PRKAA2: variants seen among roughly 807,000 people sequenced by gnomAD.
PRKAA2 encodes the protein protein kinase AMP-activated catalytic subunit alpha 2, also known as 5'-AMP-activated protein kinase catalytic subunit alpha-2.
PRKAA2 carries 40 observed loss-of-function variants against 56.3 expected under a neutral mutation model. The observed-to-expected ratio is 0.71, with a 90% CI of 0.55 to 0.92. The LOEUF is 0.92. Ranked by LOEUF, PRKAA2 falls within the 40% of genes least tolerant of loss-of-function variation. PRKAA2 has a pLI of 0.00. For missense variants in PRKAA2, 542 were observed against 686.9 expected (o/e 0.79, Z 2.36); for synonymous variants, 214 against 234.2 (o/e 0.91, Z 0.79).
chr1:56,698,423 C>A (rs1258138676), intron 6 of PRKAA2, among the ~76,000 whole-genome samples: 1 of 152,124 alleles, frequency 6.6e-6, no homozygotes, highest in Non-Finnish European at 1.5e-5. Context: ...TATCTGTTTG[C>A]CCCTATTAAA....
At position 56,674,479 on chromosome 1, in the gene PRKAA2, A is replaced by G; in HGVS notation, c.193A>G (p.Ile65Val). 1 of 1,568,814 alleles carries G rather than the reference A, an allele frequency of 6.4e-7. No individual in the cohort carries two copies. Among genetic ancestry groups the G allele is most frequent in the East Asian group, 2.3e-5 (1 of 42,614 alleles). ...TGTTGTTGGAAAAATAAAACGAGAA[A>G]TTCAAAATCTAAAACTCTTTCGTCA... Reference protein sequence around the residue: ...LDVVGKIKREIQNLKLFRHPH... With the variant: ...LDVVGKIKREVQNLKLFRHPH... The change falls in exon 2 of 9, where the codon ATT becomes GTT. Residue 65 changes from isoleucine to valine, a missense_variant. Transcript: ENST00000371244.
intron 1 of PRKAA2, among the ~76,000 whole-genome samples, chr1:56,663,067 C>CTGTTTTTTGTTTGTTTGT (rs549702300): frequency 2.0e-5 from 3 of 152,066 alleles, no homozygotes; most frequent in Admixed American, 2.0e-4. Flanking sequence ...GAACTCTGCT[C>CTGTTTTTTGTTTGTTTGT]TGTTTTTTGT....
intron 7 of PRKAA2, among the ~76,000 whole-genome samples, chr1:56,705,692 G>GCCT (rs1419779758): frequency 6.6e-6 from 1 of 152,160 alleles, no homozygotes; most frequent in African/African-American, 2.4e-5. Context: ...GAGCCACTGT[G>GCCT]CCTGGTCCTC....
Position 56,674,389 on chromosome 1 carries a change from C to T in PRKAA2, c.103C>T (p.His35Tyr). The change falls in exon 2 of 9, where the codon CAT (histidine) becomes TAT (tyrosine). Residue 35 changes from histidine (H) to tyrosine (Y), a missense_variant. Physicochemically the swap from His to Tyr is moderately conservative, Grantham distance 83 (BLOSUM62 2). This residue lies in a region of PRKAA2 where 59 missense variants were observed against 53.9 expected (regional missense o/e 1.09). Coordinates refer to ENST00000371244, the MANE Select transcript of PRKAA2 (RefSeq NM_006252.4). ...CTTTTTCTTTTCTTTAGTTGGAGAA[C>T]ATCAATTAACAGGCCATAAAGTGGC... ...GTFGKVKIGE[H>Y]QLTGHKVAVK... 6.5e-7 allele frequency: 1 copy of T among 1,546,304 alleles called. No homozygotes were observed. Among genetic ancestry groups the T allele is most frequent in the South Asian group, 1.3e-5 (1 of 79,814 alleles).
In PRKAA2 at chr1:56,713,880, T is replaced by C. The variant is rs1212914246; in HGVS notation, c.*6167T>C. 6.7e-6 allele frequency: 1 copy of C among 150,154 alleles called. No individual in the cohort carries two copies. The highest frequency in any genetic ancestry group is 2.4e-5 in the African/African-American group (1 of 40,856). 9.3% of individuals were successfully genotyped at this position (150,154 alleles called of 1,614,324 possible). A position where few individuals can be genotyped will look rare whatever the true frequency, so the allele number is the denominator to read the frequency against. ...AAAAAAAAAAAAAAACACTAAATTG[T>C]GCCTTCTCCCTTAAATTATAAGAAG... On this transcript the variant is annotated 3_prime_UTR_variant, in exon 9 of 9. Coordinates refer to ENST00000371244, the MANE Select transcript of PRKAA2 (RefSeq NM_006252.4).
intron 1 of PRKAA2, among the ~76,000 whole-genome samples, chr1:56,652,391 G>C (rs1643908686): frequency 6.6e-6 from 1 of 152,204 alleles, no homozygotes; most frequent in Non-Finnish European, 1.5e-5. Context: ...TCTTGACCTT[G>C]TGATCCACCT....
intron 1 of PRKAA2, among the ~76,000 whole-genome samples, chr1:56,651,007 T>C (rs1371352975): frequency 1.3e-5 from 2 of 152,212 alleles, no homozygotes; most frequent in African/African-American, 2.4e-5. Context: ...CTAAAAGTTA[T>C]GTCTGTGGTA....
In PRKAA2 at chr1:56,709,469, A is replaced by T. The variant is rs549192439; in HGVS notation, c.*1756A>T. On this transcript the variant is annotated 3_prime_UTR_variant, in exon 9 of 9. Transcript: ENST00000371244. ...TAGTTTAAGGTTTAATTATTGAAAG[A>T]CTGCCATCTTGTGGCACCAAAAGGT... The T allele has an allele frequency of 2.2e-4, 33 of 152,316 alleles. No individual in the cohort carries two copies. The highest frequency in any genetic ancestry group is 9.2e-4 in the Admixed American group (14 of 15,284). 9.4% of individuals were successfully genotyped at this position (152,316 alleles called of 1,614,324 possible).
At chr1:56,678,270 G>T (rs1372900772) in intron 2 of PRKAA2, among the ~76,000 whole-genome samples, 1 of 152,138 alleles carries the variant, frequency 6.6e-6, no homozygotes, top group Non-Finnish European at 1.5e-5. Flanking sequence ...TGCTACAGAA[G>T]AAGCTTATTG....
intron 1 of PRKAA2, among the ~76,000 whole-genome samples, chr1:56,669,942 T>C (rs993456889): frequency 5.3e-5 from 8 of 152,200 alleles, no homozygotes; most frequent in African/African-American, 1.9e-4. Flanking sequence ...TTCTTCACCT[T>C]ATCAAACGTA....
intron 1 of PRKAA2, among the ~76,000 whole-genome samples, chr1:56,648,338 C>T (rs1418118329): frequency 1.3e-5 from 2 of 152,150 alleles, no homozygotes; most frequent in South Asian, 4.1e-4. Context: ...TTGTGTCGAG[C>T]TTCTTTAACA....
In PRKAA2 at chr1:56,712,974, A is replaced by G. The variant is rs1644378905; in HGVS notation, c.*5261A>G. The G allele has an allele frequency of 6.6e-6, 1 of 152,204 alleles. No individual in the cohort carries two copies. Among genetic ancestry groups the G allele is most frequent in the Non-Finnish European group, 1.5e-5 (1 of 68,038 alleles). The allele number at this position is 152,204 out of a possible 1,614,324, so 9.4% of individuals were successfully genotyped here. ...TATGCAGATTGATTTTTCATTTTGTATGTATATTACATGATATAACTATTT... is the reference window on the plus strand; with the variant it reads ...TATGCAGATTGATTTTTCATTTTGTGTGTATATTACATGATATAACTATTT... On this transcript the variant is annotated 3_prime_UTR_variant, in exon 9 of 9. Transcript: ENST00000371244.
chr1:56,703,182 C>G (rs1198487090), intron 6 of PRKAA2, among the ~76,000 whole-genome samples: 2 of 152,128 alleles, frequency 1.3e-5, no homozygotes, highest in Non-Finnish European at 2.9e-5. Flanking sequence ...AGTTCTCAGA[C>G]TTTTTGATTT....
intron 6 of PRKAA2, among the ~76,000 whole-genome samples, chr1:56,699,256 G>C (rs1229431111): frequency 2.0e-5 from 3 of 151,966 alleles, no homozygotes; most frequent in African/African-American, 7.2e-5. Flanking sequence ...AAGAAATTTG[G>C]GCATATCATG....
rs763759018 is a variant in PRKAA2 at position 56,645,431 on chromosome 1, A to C, written c.44A>C (p.His15Pro). 2.0e-6 allele frequency: 3 copies of C among 1,516,664 alleles called. No individual in the cohort carries two copies. In the South Asian group the frequency reaches 3.6e-5, roughly 18 times the overall value. The allele number at this position is 1,516,664 out of a possible 1,614,324, so 94.0% of individuals were successfully genotyped here. Residue 15 changes from histidine (H) to proline (P), a missense_variant, in exon 1 of 9, where the codon CAC becomes CCC. Transcript: ENST00000371244. ...CACGACGGGCGGGTGAAGATCGGAC[A>C]CTACGTGCTGGGCGACACGCTGGGC... Reference protein sequence around the residue: ...QKHDGRVKIGHYVLGDTLGVG... With the variant: ...QKHDGRVKIGPYVLGDTLGVG...
Position 56,708,932 on chromosome 1 carries a change from G to GT in PRKAA2, c.*1226dup, listed in dbSNP as rs1644351445. ...CACCAGTGCTTTTAAGCAAAAACCA[G>GT]TTTTTTTGTTTGTTTGTTTTGCTTT... On this transcript the variant is annotated 3_prime_UTR_variant, in exon 9 of 9. Transcript: ENST00000371244. 1.3e-5 allele frequency: 2 copies of GT among 151,716 alleles called. No homozygotes were observed. The highest frequency in any genetic ancestry group is 2.1e-4 in the South Asian group (1 of 4,810). 9.4% of individuals were successfully genotyped at this position (151,716 alleles called of 1,614,324 possible).
At chr1:56,663,873 G>C (rs1644013703) in intron 1 of PRKAA2, among the ~76,000 whole-genome samples, 1 of 152,178 alleles carries the variant, frequency 6.6e-6, no homozygotes, top group South Asian at 2.1e-4. Context: ...GCAGAGGTAG[G>C]AAGATCGCTT....
chr1:56,663,443 G>A (rs910327137), intron 1 of PRKAA2, among the ~76,000 whole-genome samples: 2 of 152,104 alleles, frequency 1.3e-5, no homozygotes, highest in Non-Finnish European at 2.9e-5. Flanking sequence ...TCCACCTCTT[G>A]GTAGCCATTG....
chr1:56,700,800 A>G (rs1343429666), intron 6 of PRKAA2, among the ~76,000 whole-genome samples: 1 of 152,022 alleles, frequency 6.6e-6, no homozygotes, highest in Admixed American at 6.6e-5. Context: ...GGAGCTCTAA[A>G]CTATTCTGCT....
Sources: gnomAD v4.1 joint callset for allele counts (sites outside exome capture counted in the v4.1 genomes callset) on GRCh38, gnomAD v4.1.1 for gene constraint, gnomAD v4.1.1 regional missense constraint, MANE v1.5 for transcripts, NCBI Gene and HGNC (gene_info 2026-07-23, HGNC 2026-07-21) for gene names.